KDM7A: variants seen among roughly 807,000 people sequenced by gnomAD.
The protein encoded by KDM7A is lysine demethylase 7A.
Under a neutral mutation model 114.8 loss-of-function variants are expected in KDM7A, and 28 were observed. The observed-to-expected ratio is 0.24, with a 90% confidence interval of 0.18 to 0.33. The LOEUF is 0.33. Ranked by LOEUF, KDM7A falls within the 10% of genes least tolerant of loss-of-function variation. KDM7A has a pLI of 1.00. For missense variants in KDM7A, 942 were observed against 1,142.5 expected, an observed-to-expected ratio of 0.82 and a Z score of 2.53; for synonymous variants, 423 against 397.8, an observed-to-expected ratio of 1.06 and a Z score of -0.75.
chr7:140,160,996 C>G (rs1346220898), intron 1 of KDM7A, among the ~76,000 whole-genome samples: 1 of 152,150 alleles, frequency 6.6e-6, no homozygotes, highest in East Asian at 1.9e-4. Flanking sequence ...AAAAAAGAAA[C>G]TGACTCAAAA....
chr7:140,129,590 A>C lies in KDM7A; in HGVS notation c.462T>G (p.His154Gln). 6.2e-7 allele frequency: 1 copy of C among 1,610,972 alleles called. No homozygotes were observed. The highest frequency in any genetic ancestry group is 8.5e-7 in the Non-Finnish European group (1 of 1,177,208). ...GGACCATAATAGGGACATCAAATCC[A>C]TGTTTCTCCAGATATCTTTGTGTCA... ...SQLTQRYLEK[H>Q]GFDVPIMVPK... The change falls in exon 4 of 20, where the codon CAT (histidine) becomes CAG (glutamine). Residue 154 changes from histidine to glutamine, a missense_variant. By Grantham distance (24) the His-to-Gln change is conservative. Around this residue, in one of 4 missense-constraint regions of KDM7A, gnomAD observed 318 missense variants for 453.1 expected, o/e 0.70. Coordinates refer to ENST00000397560, the MANE Select transcript of KDM7A (RefSeq NM_030647.2).
At chr7:140,169,399 C>G (rs1308454011) in intron 1 of KDM7A, among the ~76,000 whole-genome samples, 1 of 152,142 alleles carries the variant, frequency 6.6e-6, no homozygotes, top group Non-Finnish European at 1.5e-5. Context: ...TACTCATAAG[C>G]CTCCACTTCA....
intron 17 of KDM7A, 93 bp from the exon 18 acceptor site, chr7:140,094,231 G>A (rs1179449930): frequency 1.5e-5 from 12 of 823,906 alleles, no homozygotes; most frequent in African/African-American, 3.4e-5. Flanking sequence ...CAGGTTGGGC[G>A]TGATGGCTCA....
In KDM7A at chr7:140,113,475, T is replaced by C. The variant is rs928207068; in HGVS notation, c.1338+16A>G. On this transcript the variant is annotated intron_variant, in intron 10 of 19. Transcript: ENST00000397560. ...GTGGCATAAAACACAGTGATTTCAC[T>C]GTTGAAACAACTTACTTCTTTTTTC... 3 of 1,444,918 alleles carry C rather than the reference T, an allele frequency of 2.1e-6. No individual in the cohort carries two copies. Among genetic ancestry groups the C allele is most frequent in the Non-Finnish European group, 1.9e-6 (2 of 1,035,136 alleles). The allele number at this position is 1,444,918 out of a possible 1,614,324, so 89.5% of individuals were successfully genotyped here.
intron 11 of KDM7A, among the ~76,000 whole-genome samples, chr7:140,105,442 A>C (rs1016000403): frequency 6.6e-6 from 1 of 152,128 alleles, no homozygotes; most frequent in African/African-American, 2.4e-5. Flanking sequence ...AATAGCTCTT[A>C]TTATTTTGAG....
At position 140,088,362 on chromosome 7, in the gene KDM7A, AATT is replaced by A. The variant is rs1817968106; in HGVS notation, c.*2729_*2731del. ...TCACTTATTTGAAACAATACAGGAA[AATT>A]ATCATCTATTCCTATTACTAAAGTT... On this transcript the variant is annotated 3_prime_UTR_variant, in exon 20 of 20. Transcript: ENST00000397560. 7.6e-6 allele frequency: 3 copies of A among 394,764 alleles called. No individual in the cohort carries two copies. The highest frequency in any genetic ancestry group is 6.3e-4 in the Middle Eastern group (1 of 1,590). 24.5% of individuals were successfully genotyped at this position (394,764 alleles called of 1,614,324 possible).
At chr7:140,147,180 G>T (rs1239258100) in intron 1 of KDM7A, among the ~76,000 whole-genome samples, 3 of 151,570 alleles carry the variant, frequency 2.0e-5, no homozygotes, top group Non-Finnish European at 4.4e-5. Context: ...CTGACTTATG[G>T]CCTAACATTG....
At chr7:140,108,737 C>G (rs1318975104) in intron 11 of KDM7A, among the ~76,000 whole-genome samples, 1 of 152,244 alleles carries the variant, frequency 6.6e-6, no homozygotes, top group Admixed American at 6.5e-5. Context: ...CTTGAGGAGG[C>G]AGTCTGTCCG....
chr7:140,100,715 T>TATATATACAC (rs1818202159), intron 12 of KDM7A, among the ~76,000 whole-genome samples: 3 of 49,074 alleles, frequency 6.1e-5, no homozygotes, highest in Admixed American at 2.1e-4. Context: ...TATACACATA[T>TATATATACAC]ATATATATAT....
chr7:140,141,564 A>G (rs1306436877), intron 1 of KDM7A, among the ~76,000 whole-genome samples: 1 of 152,146 alleles, frequency 6.6e-6, no homozygotes, highest in Non-Finnish European at 1.5e-5. Flanking sequence ...TAGCCTCTAT[A>G]TCAATATCTT....
Position 140,097,654 on chromosome 7 carries a change from T to C in KDM7A, c.1919-12A>G. 3 of 1,438,438 alleles carry C rather than the reference T, an allele frequency of 2.1e-6. No individual in the cohort carries two copies. The highest frequency in any genetic ancestry group is 2.9e-6 in the Non-Finnish European group (3 of 1,022,112). 89.1% of individuals were successfully genotyped at this position (1,438,438 alleles called of 1,614,324 possible). On this transcript the variant is annotated splice_polypyrimidine_tract_variant and intron_variant, in intron 14 of 19. Coordinates refer to ENST00000397560, the MANE Select transcript of KDM7A (RefSeq NM_030647.2). ...ACGTGTAAAAAACCCTGAAAAAGAA[T>C]GAAAGGATGAGAAAAAGAGAAAGTC...
At position 140,120,492 on chromosome 7, in the gene KDM7A, C is replaced by T; in HGVS notation, c.1089G>A (p.Met363Ile). 1 of 1,613,132 alleles carries T rather than the reference C, an allele frequency of 6.2e-7. No individual in the cohort carries two copies. Among genetic ancestry groups the T allele is most frequent in the Non-Finnish European group, 8.5e-7 (1 of 1,179,242 alleles). ...IHAVLTSQDC[M>I]AFGGNFLHNL... ...TGTGCAGGAAGTTCCCCCCAAAAGC[C>T]ATACAGTCCTGAGAAGTGAGCACAG... Residue 363 changes from methionine to isoleucine, a missense_variant, in exon 8 of 20, where the codon ATG becomes ATA. This residue lies in a region of KDM7A where 318 missense variants were observed against 453.1 expected (regional missense o/e 0.70). Coordinates refer to ENST00000397560, the MANE Select transcript of KDM7A (RefSeq NM_030647.2).
At chr7:140,166,293 T>C (rs957233784) in intron 1 of KDM7A, among the ~76,000 whole-genome samples, 2 of 151,782 alleles carry the variant, frequency 1.3e-5, no homozygotes, top group African/African-American at 4.8e-5. Context: ...CATCCATTCA[T>C]GATAAAACTA....
intron 12 of KDM7A, among the ~76,000 whole-genome samples, chr7:140,101,422 C>A (rs4726603): frequency 6.6e-6 from 1 of 151,966 alleles, no homozygotes; most frequent in Non-Finnish European, 1.5e-5. Flanking sequence ...CCAATCACCA[C>A]GTAACCATTT....
chr7:140,156,914 A>AAAG (rs1794464020), intron 1 of KDM7A, among the ~76,000 whole-genome samples: 1 of 152,176 alleles, frequency 6.6e-6, no homozygotes, highest in Admixed American at 6.5e-5. Context: ...CACACCCTTA[A>AAAG]CTTGCACATT....
At chr7:140,123,014 T>C (rs962150355) in intron 7 of KDM7A, among the ~76,000 whole-genome samples, 3 of 152,110 alleles carry the variant, frequency 2.0e-5, no homozygotes, top group Non-Finnish European at 4.4e-5. Flanking sequence ...AACTCAACAA[T>C]TAAAAAGGAC....
chr7:140,118,487 T>C (rs563078291), intron 9 of KDM7A, among the ~76,000 whole-genome samples: 1 of 152,198 alleles, frequency 6.6e-6, no homozygotes, highest in East Asian at 1.9e-4. Context: ...ATGCAACCTC[T>C]GCCTCCCGCC....
chr7:140,153,969 T>C (rs1001125471), intron 1 of KDM7A, among the ~76,000 whole-genome samples: 1 of 152,224 alleles, frequency 6.6e-6, no homozygotes, highest in African/African-American at 2.4e-5. Flanking sequence ...CCTGTCTGCG[T>C]GTAAACTGAA....
chr7:140,100,040 A>C lies in KDM7A; in HGVS notation c.1639-17T>G. Reference sequence around the variant, plus strand: ...CAAGATGTCCTGAAGGTATAAATGCAGAACTTACTTACCATCCACCCTCAG... The same window carrying C: ...CAAGATGTCCTGAAGGTATAAATGCCGAACTTACTTACCATCCACCCTCAG... On this transcript the variant is annotated splice_polypyrimidine_tract_variant and intron_variant, in intron 12 of 19. Transcript: ENST00000397560. 1 of 1,613,904 alleles carries C rather than the reference A, an allele frequency of 6.2e-7. No individual in the cohort carries two copies. The highest frequency in any genetic ancestry group is 8.5e-7 in the Non-Finnish European group (1 of 1,179,766).
Sources: gnomAD v4.1 joint callset for allele counts (sites outside exome capture counted in the v4.1 genomes callset) on GRCh38, gnomAD v4.1.1 for gene constraint, gnomAD v4.1.1 regional missense constraint, MANE v1.5 for transcripts, NCBI Gene and HGNC (gene_info 2026-07-23, HGNC 2026-07-21) for gene names.